The following GUF1 variants were observed in gnomAD, a reference collection of about 807,000 sequenced individuals.
GUF1 encodes translation factor GUF1, mitochondrial.
Under a neutral mutation model 82.4 loss-of-function variants are expected in GUF1, and 78 were observed. That is an observed-to-expected ratio of 0.95 (90% CI 0.79 to 1.14). GUF1 has a LOEUF of 1.14. GUF1 is among the 50% of genes most tolerant of loss of function. The pLI, the probability that GUF1 is intolerant of heterozygous loss-of-function variation, is 0.00. For synonymous variants in GUF1, 279 were observed against 282.3 expected (o/e 0.99, Z 0.12); for missense variants, 814 against 798.2 (o/e 1.02, Z -0.24).
chr4:44,683,779 T>G (rs1714902667), intron 6 of GUF1, among the ~76,000 whole-genome samples: 1 of 152,072 alleles, frequency 6.6e-6, no homozygotes, highest in Non-Finnish European at 1.5e-5. Flanking sequence ...TAGATTTTAT[T>G]TATACCAAAG....
Position 44,698,737 on chromosome 4 carries a change from G to T in GUF1, c.*56G>T. Reference sequence around the variant, plus strand: ...ATTTGTAATATGCTGACAACAGAAAGAAAATTATAAAATTTGCTTGTTACT... The same window carrying T: ...ATTTGTAATATGCTGACAACAGAAATAAAATTATAAAATTTGCTTGTTACT... On this transcript the variant is annotated 3_prime_UTR_variant, in exon 17 of 17. Coordinates refer to ENST00000281543, the MANE Select transcript of GUF1 (RefSeq NM_021927.3). 4 of 1,480,454 alleles carry T rather than the reference G, an allele frequency of 2.7e-6. No individual in the cohort carries two copies. Among genetic ancestry groups the T allele is most frequent in the South Asian group, 2.6e-5 (2 of 77,446 alleles). 91.7% of individuals were successfully genotyped at this position (1,480,454 alleles called of 1,614,324 possible).
At position 44,697,423 on chromosome 4, in the gene GUF1, G is replaced by GA; in HGVS notation, c.1856dup (p.Asn619LysfsTer10). 2 of 1,562,768 alleles carry GA rather than the reference G, an allele frequency of 1.3e-6. No homozygotes were observed. The highest frequency in any genetic ancestry group is 1.4e-5 in the African/African-American group (1 of 73,192). ...TCTTTTACAGTGTGAAAGCCTATAGGAAAAACGTTTTGGCAAAATGTGTAT... is the reference window on the plus strand; with the variant it reads ...TCTTTTACAGTGTGAAAGCCTATAGGAAAAAACGTTTTGGCAAAATGTGTAT... On this transcript the variant is annotated frameshift_variant, in exon 16 of 17. Coordinates refer to ENST00000281543, the MANE Select transcript of GUF1 (RefSeq NM_021927.3). LOFTEE classifies it high-confidence loss of function.
Position 44,678,791 on chromosome 4 carries a change from A to C in GUF1, c.165+4A>C, listed in dbSNP as rs1714592700. On this transcript the variant is annotated splice_donor_region_variant and intron_variant, in intron 1 of 16. Transcript: ENST00000281543. Reference sequence around the variant, plus strand: ...CTACAGCTCCGCAGAATTCAAGGTGACTGCCCCCTGGAATCTGATTTAGCC... The same window carrying C: ...CTACAGCTCCGCAGAATTCAAGGTGCCTGCCCCCTGGAATCTGATTTAGCC... 3 of 1,551,274 alleles carry C rather than the reference A, an allele frequency of 1.9e-6. No individual in the cohort carries two copies. The highest frequency in any genetic ancestry group is 2.6e-6 in the Non-Finnish European group (3 of 1,155,952).
At chr4:44,690,073 A>G in intron 11 of GUF1, 98 bp downstream of exon 11, 3 of 793,846 alleles carry the variant, frequency 3.8e-6, no homozygotes, top group African/African-American at 1.8e-5. Context: ...GCTTTTTACT[A>G]TACCAATAGC....
intron 6 of GUF1, 24 bp from the exon 7 acceptor site, chr4:44,685,935 T>C: frequency 1.3e-6 from 2 of 1,527,602 alleles, no homozygotes; most frequent in South Asian, 1.1e-5. Context: ...TAAATGCTTA[T>C]ATTTTTCACA....
At chr4:44,694,094 G>A (rs140406942) in intron 13 of GUF1, 15 of 276,596 alleles carry the variant, frequency 5.4e-5, no homozygotes, top group African/African-American at 2.3e-4. Flanking sequence ...AGTATTGTCC[G>A]AAGCCTCCCA....
chr4:44,691,631 T>G, intron 12 of GUF1, 35 bp from the exon 13 acceptor site: 1 of 1,543,086 alleles, frequency 6.5e-7, no homozygotes, highest in East Asian at 2.3e-5. Context: ...TTGAGTAGGT[T>G]ATCATTAAAC....
intron 6 of GUF1, 111 bp from the exon 7 acceptor site, chr4:44,685,848 T>A (rs998025149): frequency 3.1e-6 from 2 of 644,748 alleles, no homozygotes; most frequent in African/African-American, 1.8e-5. Context: ...TTTCTCAAAT[T>A]GATAACTATT....
rs749034939 is a variant in GUF1 at position 44,688,026 on chromosome 4, T to C, written c.958T>C (p.Tyr320His). Residue 320 changes from tyrosine (Y) to histidine (H), a missense_variant, in exon 9 of 17, where the codon TAT (tyrosine) becomes CAT (histidine). By Grantham distance (83) the Tyr-to-His change is moderately conservative. Coordinates refer to ENST00000281543, the MANE Select transcript of GUF1 (RefSeq NM_021927.3). Reference sequence around the variant, plus strand: ...ATTTAGATATGCAGGACAGGTGGGCTATCTGATTGCTGGGATGAAAGATGT... The same window carrying C: ...ATTTAGATATGCAGGACAGGTGGGCCATCTGATTGCTGGGATGAAAGATGT... Reference protein sequence around the residue: ...THKLYAGQVGYLIAGMKDVTE... With the variant: ...THKLYAGQVGHLIAGMKDVTE... 10 of 1,612,034 alleles carry C rather than the reference T, an allele frequency of 6.2e-6. No individual in the cohort carries two copies. The highest frequency in any genetic ancestry group is 1.7e-5 in the Admixed American group (1 of 59,904).
At chr4:44,693,279 A>G (rs2109661359) in intron 13 of GUF1, among the ~76,000 whole-genome samples, 1 of 152,170 alleles carries the variant, frequency 6.6e-6, no homozygotes, top group Non-Finnish European at 1.5e-5. Flanking sequence ...GTTAGGTATC[A>G]ATTGGACTGC....
intron 4 of GUF1, among the ~76,000 whole-genome samples, chr4:44,681,838 A>G (rs1714789974): frequency 6.6e-6 from 1 of 152,004 alleles, no homozygotes; most frequent in South Asian, 2.1e-4. Flanking sequence ...TTATGTAGGC[A>G]GTACTGGCCT....
chr4:44,695,505 T>C, intron 14 of GUF1, 110 bp from the exon 15 acceptor site: 6 of 735,664 alleles, frequency 8.2e-6, no homozygotes, highest in Non-Finnish European at 1.2e-5. Context: ...GTAAGTTCCA[T>C]TTGAACCTCC....
chr4:44,679,075 A>G (rs960257043), intron 1 of GUF1, among the ~76,000 whole-genome samples: 6 of 152,210 alleles, frequency 3.9e-5, no homozygotes, highest in Non-Finnish European at 8.8e-5. Flanking sequence ...TTATTCATCT[A>G]TTTAATTCTA....
At chr4:44,680,974 T>C in intron 3 of GUF1, 132 bp downstream of exon 3, 6 of 1,079,304 alleles carry the variant, frequency 5.6e-6, no homozygotes, top group South Asian at 1.5e-5. Flanking sequence ...AGTGTTCTTA[T>C]GTTAGTGTCA....
intron 15 of GUF1, among the ~76,000 whole-genome samples, chr4:44,696,045 T>C (rs1451936326): frequency 6.6e-6 from 1 of 152,058 alleles, no homozygotes; most frequent in Non-Finnish European, 1.5e-5. Context: ...GTTTTATCCC[T>C]TTAGGTAGAT....
chr4:44,689,380 T>C lies in GUF1; in HGVS notation c.1173T>C (p.Asp391=). 1 of 1,608,348 alleles carries C rather than the reference T, an allele frequency of 6.2e-7. No individual in the cohort carries two copies. Among genetic ancestry groups the C allele is most frequent in the Non-Finnish European group, 8.5e-7 (1 of 1,176,566 alleles). ...LNDSSVTVHR[D]SSLALGAGWR... Reference sequence around the variant, plus strand: ...ATTCCAGTGTGACCGTTCATCGGGATAGTAGCCTTGCTCTGGGTGCTGGCT... The same window carrying C: ...ATTCCAGTGTGACCGTTCATCGGGACAGTAGCCTTGCTCTGGGTGCTGGCT... The change falls in exon 10 of 17, where the codon GAT becomes GAC. Residue 391 remains aspartate (D), a synonymous_variant. Coordinates refer to ENST00000281543, the MANE Select transcript of GUF1 (RefSeq NM_021927.3).
At chr4:44,681,269 T>A (rs1577762953) in intron 4 of GUF1, 66 bp downstream of exon 4, 4 of 1,170,790 alleles carry the variant, frequency 3.4e-6, no homozygotes, top group Non-Finnish European at 5.0e-6. Flanking sequence ...AGAGTTTTTC[T>A]TTAAAATGTG....
At chr4:44,697,128 T>A (rs544840012) in intron 15 of GUF1, among the ~76,000 whole-genome samples, 1 of 152,234 alleles carries the variant, frequency 6.6e-6, no homozygotes, top group Non-Finnish European at 1.5e-5. Context: ...GGTCACATCA[T>A]GCTTGAATTT....
chr4:44,678,563 A>T lies in GUF1; in HGVS notation c.-60A>T. On this transcript the variant is annotated 5_prime_UTR_variant, in exon 1 of 17. Coordinates refer to ENST00000281543, the MANE Select transcript of GUF1 (RefSeq NM_021927.3). ...CCTACGGGGGGTACCTTCGAAAAAA[A>T]ACGGGCTATGCTGCTGTTGCGTGTG... 5.2e-6 allele frequency: 7 copies of T among 1,349,320 alleles called. No homozygotes were observed. The highest frequency in any genetic ancestry group is 6.8e-6 in the Non-Finnish European group (7 of 1,036,476). The allele number at this position is 1,349,320 out of a possible 1,614,324, so 83.6% of individuals were successfully genotyped here. A position where few individuals can be genotyped will look rare whatever the true frequency, so the allele number is the denominator to read the frequency against.
Sources: gnomAD v4.1 joint callset for allele counts (sites outside exome capture counted in the v4.1 genomes callset) on GRCh38, gnomAD v4.1.1 for gene constraint, MANE v1.5 for transcripts, NCBI Gene and HGNC (gene_info 2026-07-23, HGNC 2026-07-21) for gene names.